Variants in GPC5 observed in about 807,000 individuals in gnomAD.
The protein encoded by GPC5 is glypican 5.
Under a neutral mutation model 53.9 loss-of-function variants are expected in GPC5, and 47 were observed. The ratio of observed to expected loss-of-function variants is 0.87; its 90% CI spans 0.69 to 1.11. The LOEUF (loss-of-function observed/expected upper bound fraction) is 1.11, where lower values mean the gene tolerates loss of function less well. Among genes scored for constraint, GPC5 ranks in the 50% most tolerant of loss-of-function variants. The pLI is 0.00. For synonymous variants in GPC5, 286 were observed against 263.3 expected (o/e 1.09, Z -0.84); for missense variants, 748 against 713.1 (o/e 1.05, Z -0.56).
chr13:92,037,517 C>A (rs2040903524), intron 6 of GPC5, among the ~76,000 whole-genome samples: 1 of 152,070 alleles, frequency 6.6e-6, no homozygotes, highest in African/African-American at 2.4e-5. Context: ...TGTACTATTT[C>A]CTGATATTAT....
At chr13:92,126,477 G>A (rs1456514274) in intron 6 of GPC5, among the ~76,000 whole-genome samples, 1 of 152,182 alleles carries the variant, frequency 6.6e-6, no homozygotes, top group African/African-American at 2.4e-5. Flanking sequence ...AATAAGTAAT[G>A]TGGGAAAATC....
intron 6 of GPC5, among the ~76,000 whole-genome samples, chr13:91,948,370 G>A (rs1239016628): frequency 6.6e-6 from 1 of 151,950 alleles, no homozygotes. Flanking sequence ...TTGAGGACGA[G>A]CATAGATATT....
At chr13:92,364,738 A>C (rs778271450) in intron 7 of GPC5, among the ~76,000 whole-genome samples, 32 of 151,938 alleles carry the variant, frequency 2.1e-4, no homozygotes, top group Middle Eastern at 3.4e-3. Context: ...TCTCAAACAA[A>C]AATAATAAGT....
intron 5 of GPC5, among the ~76,000 whole-genome samples, chr13:91,800,526 C>T (rs2038117516): frequency 6.6e-6 from 1 of 152,108 alleles, no homozygotes; most frequent in Admixed American, 6.6e-5. Context: ...TTTATTAACT[C>T]ACAGCAATCC....
intron 6 of GPC5, among the ~76,000 whole-genome samples, chr13:91,931,369 T>A (rs1485345766): frequency 6.6e-6 from 1 of 152,010 alleles, no homozygotes; most frequent in Non-Finnish European, 1.5e-5. Flanking sequence ...AATGTATAAT[T>A]TTAGGATGGT....
Position 92,277,248 on chromosome 13 carries a change from T to C in GPC5, c.1561+132259T>C, listed in dbSNP as rs185282952. On this transcript the variant is annotated intron_variant, in intron 7 of 7. Coordinates refer to ENST00000377067, the MANE Select transcript of GPC5 (RefSeq NM_004466.6). ...GAACATGTAACACCTTGAGCGTTTT[T>C]GAGAAGCAGAGAAGAAGGGAAAGTC... Among the ~76,000 whole-genome samples, 14 of 152,130 alleles carry C rather than the reference T, an allele frequency of 9.2e-5. No homozygotes were observed. In the East Asian group the frequency reaches 2.7e-3, roughly 29 times the overall value.
At position 92,155,458 on chromosome 13, in the gene GPC5, G is replaced by A. The variant is rs183506044; in HGVS notation, c.1561+10469G>A. ...TCTGAGTTGGTATTCCAGTTGCATA[G>A]TGTACTTTTTCAATATGTAATTTTA... On this transcript the variant is annotated intron_variant, in intron 7 of 7. Transcript: ENST00000377067. Among the ~76,000 whole-genome samples the A allele has an allele frequency of 4.6e-5, 7 of 152,192 alleles. No homozygotes were observed. In the East Asian group the frequency reaches 1.2e-3, roughly 25 times the overall value.
chr13:91,808,771 G>A (rs977025468), intron 5 of GPC5, among the ~76,000 whole-genome samples: 15 of 152,108 alleles, frequency 9.9e-5, no homozygotes, highest in African/African-American at 2.7e-4. Context: ...AGGACACTGA[G>A]GTATTCCCCA....
intron 7 of GPC5, among the ~76,000 whole-genome samples, chr13:92,151,664 CT>C (rs1219931782): frequency 2.0e-5 from 3 of 152,118 alleles, no homozygotes; most frequent in African/African-American, 4.8e-5. Flanking sequence ...TCAGGTTATA[CT>C]TTCTTTAAGG....
chr13:92,092,206 A>T (rs2041386764), intron 6 of GPC5, among the ~76,000 whole-genome samples: 1 of 152,206 alleles, frequency 6.6e-6, no homozygotes, highest in Non-Finnish European at 1.5e-5. Flanking sequence ...TCTTATGCAT[A>T]CTGCATACAC....
Position 91,718,317 on chromosome 13 carries a change from A to G in GPC5, c.1021-10215A>G, listed in dbSNP as rs533537799. ...AGTAGAGATGGGGTTTCACCATGTT[A>G]GCTAGGATGGTCTCAATCTCCTGAC... On this transcript the variant is annotated intron_variant, in intron 3 of 7. Coordinates refer to ENST00000377067, the MANE Select transcript of GPC5 (RefSeq NM_004466.6). Among the ~76,000 whole-genome samples, 17 of 151,962 alleles carry G rather than the reference A, an allele frequency of 1.1e-4. No individual in the cohort carries two copies. The East Asian group carries it at 3.1e-3, about 28-fold the overall frequency.
intron 7 of GPC5, among the ~76,000 whole-genome samples, chr13:92,439,768 G>C (rs910438182): frequency 6.6e-6 from 1 of 152,152 alleles, no homozygotes. Flanking sequence ...GCTATGGCCA[G>C]AAGAAAATAA....
intron 7 of GPC5, among the ~76,000 whole-genome samples, chr13:92,840,059 T>C (rs1242661594): frequency 7.3e-6 from 1 of 136,290 alleles, no homozygotes; most frequent in Non-Finnish European, 1.6e-5. Flanking sequence ...AGCTTGCTTT[T>C]ATTCTTCATA....
At chr13:92,057,602 A>G (rs1031752596) in intron 6 of GPC5, among the ~76,000 whole-genome samples, 2 of 152,128 alleles carry the variant, frequency 1.3e-5, no homozygotes, top group Non-Finnish European at 2.9e-5. Context: ...CTATTTTGAA[A>G]TGTCAATATG....
At chr13:92,260,558 A>AC (rs541465488) in intron 7 of GPC5, among the ~76,000 whole-genome samples, 24 of 152,066 alleles carry the variant, frequency 1.6e-4, no homozygotes, top group African/African-American at 5.8e-4. Context: ...TCCTGTTTTC[A>AC]CCCCCACTGC....
chr13:91,691,605 G>C (rs547799192), intron 2 of GPC5, among the ~76,000 whole-genome samples: 5 of 152,220 alleles, frequency 3.3e-5, no homozygotes, highest in Admixed American at 2.0e-4. Context: ...TGTTACCTTT[G>C]ATTGCAGGGT....
intron 7 of GPC5, among the ~76,000 whole-genome samples, chr13:92,371,485 T>C (rs2043649287): frequency 6.6e-6 from 1 of 152,116 alleles, no homozygotes; most frequent in African/African-American, 2.4e-5. Context: ...GGTGTATTAG[T>C]CTGTTCTCAC....
chr13:92,468,744 A>C (rs945834048), intron 7 of GPC5, among the ~76,000 whole-genome samples: 2 of 152,170 alleles, frequency 1.3e-5, no homozygotes, highest in Non-Finnish European at 2.9e-5. Flanking sequence ...AGCAGAACTG[A>C]CTGAGCACTT....
chr13:91,692,530 G>A (rs1281668142), intron 2 of GPC5, among the ~76,000 whole-genome samples: 2 of 152,094 alleles, frequency 1.3e-5, no homozygotes, highest in Non-Finnish European at 2.9e-5. Flanking sequence ...TATAAATAAT[G>A]AAGTCAGATT....
Sources: allele counts gnomAD v4.1 joint callset (sites outside exome capture counted in the v4.1 genomes callset), GRCh38; gene constraint gnomAD v4.1.1; transcripts MANE v1.5; gene names NCBI Gene and HGNC (gene_info 2026-07-23, HGNC 2026-07-21).